FBLN1: variants seen among roughly 807,000 people sequenced by gnomAD.
FBLN1 encodes fibulin 1, also known as fibulin-1.
A neutral mutation model predicts 89.7 loss-of-function variants in FBLN1; 34 were observed. The ratio of observed to expected loss-of-function variants is 0.38; its 90% CI spans 0.29 to 0.50. The LOEUF (loss-of-function observed/expected upper bound fraction) is 0.50. Ranked by LOEUF, FBLN1 falls within the 20% of genes least tolerant of loss-of-function variation. The pLI, the probability that FBLN1 is intolerant of heterozygous loss-of-function variation, is 0.92. For synonymous variants in FBLN1, 393 were observed against 391.3 expected, an observed-to-expected ratio of 1.00 and a Z score of -0.05; for missense variants, 777 against 988.1, an observed-to-expected ratio of 0.79 and a Z score of 2.86.
In FBLN1 at chr22:45,519,354, C is replaced by G. The variant is rs187842797; in HGVS notation, c.185+567C>G. 3.4e-3 allele frequency among the ~76,000 whole-genome samples: 525 copies of G among 152,280 alleles called. 1 individual carries two copies. Among genetic ancestry groups the G allele is most frequent in the Non-Finnish European group, 6.1e-3 (412 of 68,022 alleles). ...AATAATGAGAAGCCGGGCGCGGTGGCTCACGCCTGTAATCCCAGCACTTTG... is the reference window on the plus strand; with the variant it reads ...AATAATGAGAAGCCGGGCGCGGTGGGTCACGCCTGTAATCCCAGCACTTTG... On this transcript the variant is annotated intron_variant, in intron 2 of 16. Coordinates refer to ENST00000327858, the MANE Select transcript of FBLN1 (RefSeq NM_006486.3).
At position 45,532,218 on chromosome 22, in the gene FBLN1, T is replaced by G. The variant is rs369371126; in HGVS notation, c.545-845T>G. ...GGGCCTGGTGGAGGGAGGAAGGGAG[T>G]GACCTAGAGCCCCAGCAAGCCTCAG... is the stretch of plus-strand genomic sequence containing the variant. On this transcript the variant is annotated intron_variant, in intron 5 of 16. Transcript: ENST00000327858. This position sits in a 1 kb window ranked among gnomAD's most constrained non-coding sequence, Gnocchi z 4.2. Among the ~76,000 whole-genome samples the G allele has an allele frequency of 6.6e-6, 1 of 151,424 alleles. No homozygotes were observed. Among genetic ancestry groups the G allele is most frequent in the South Asian group, 2.1e-4 (1 of 4,752 alleles).
chr22:45,599,004 A>G (rs999410960), intron 16 of FBLN1, among the ~76,000 whole-genome samples: 10 of 152,226 alleles, frequency 6.6e-5, no homozygotes, highest in Non-Finnish European at 8.8e-5. Context: ...GAGGGAAGGC[A>G]GTGCCAGCTG....
In FBLN1 at chr22:45,574,575, T is replaced by C; in HGVS notation, c.1762T>C (p.Cys588Arg). ...GTCCTGCCGCCCCAACGATGTCACA[T>C]GCGTGTTCGACCCCGTGCACACCAT... is the stretch of plus-strand genomic sequence containing the variant. ...IKSCRPNDVT[C>R]VFDPVHTISH... Residue 588 changes from cysteine to arginine, a missense_variant, in exon 15 of 17, where the codon TGC becomes CGC. Physicochemically the swap from Cys to Arg is radical, Grantham distance 180. Coordinates refer to ENST00000327858, the MANE Select transcript of FBLN1 (RefSeq NM_006486.3). The surrounding 1 kb of genome is among the most constrained non-coding windows in gnomAD (Gnocchi z 4.1). 6.2e-7 allele frequency: 1 copy of C among 1,614,152 alleles called. No individual in the cohort carries two copies. The highest frequency in any genetic ancestry group is 8.5e-7 in the Non-Finnish European group (1 of 1,180,018).
chr22:45,548,889 C>A, intron 13 of FBLN1, 145 bp downstream of exon 13: 1 of 1,330,782 alleles, frequency 7.5e-7, no homozygotes, highest in Non-Finnish European at 1.0e-6. Context: ...AGGAGGCCCA[C>A]CCCATCCAAG....
At chr22:45,520,310 C>G (rs776283517) in intron 2 of FBLN1, among the ~76,000 whole-genome samples, 17 of 152,214 alleles carry the variant, frequency 1.1e-4, no homozygotes, top group Non-Finnish European at 2.4e-4. Context: ...CCTCATAGTT[C>G]CGGAGGCCAG....
chr22:45,512,122 T>G (rs470064), intron 1 of FBLN1, among the ~76,000 whole-genome samples: 151,502 of 151,706 alleles, frequency 1, 75,649 homozygotes, highest in Middle Eastern at 1. Context: ...TCCAGTGTGG[T>G]ACTGGTCAGA....
In FBLN1 at chr22:45,590,845, G is replaced by C. The variant is rs2089130409; in HGVS notation, c.1973-9462G>C. Among the ~76,000 whole-genome samples, 1 of 152,080 alleles carries C rather than the reference G, an allele frequency of 6.6e-6. No homozygotes were observed. The highest frequency in any genetic ancestry group is 1.5e-5 in the Non-Finnish European group (1 of 68,006). ...GAAGGGAAGTGGGTTTAAGGGAGGA[G>C]GGTAGGTCAGTGTTTGGCGTGCTTG... On this transcript the variant is annotated intron_variant, in intron 16 of 16. Transcript: ENST00000327858. The surrounding 1 kb of genome is among the most constrained non-coding windows in gnomAD (Gnocchi z 4.1).
intron 1 of FBLN1, among the ~76,000 whole-genome samples, chr22:45,507,162 C>T (rs1485362718): frequency 1.3e-5 from 2 of 152,126 alleles, no homozygotes; most frequent in African/African-American, 2.4e-5. Context: ...GGGGCTGGGG[C>T]TGGGCCTAGA....
Position 45,563,406 on chromosome 22 carries a change from G to A in FBLN1, c.1698-11105G>A, listed in dbSNP as rs1217414268. On this transcript the variant is annotated intron_variant, in intron 14 of 16. Coordinates refer to ENST00000327858, the MANE Select transcript of FBLN1 (RefSeq NM_006486.3). This position sits in a 1 kb window ranked among gnomAD's most constrained non-coding sequence, Gnocchi z 5.7. Reference sequence around the variant, plus strand: ...TTATTTGGCATGGTTGGGAGTCTGTGCCGCTTGTTACCCGGGGGTGAGCTG... The same window carrying A: ...TTATTTGGCATGGTTGGGAGTCTGTACCGCTTGTTACCCGGGGGTGAGCTG... 2 of 1,518,022 alleles carry A rather than the reference G, an allele frequency of 1.3e-6. No homozygotes were observed. The highest frequency in any genetic ancestry group is 2.4e-5 in the East Asian group (1 of 40,852). 94.0% of individuals were successfully genotyped at this position (1,518,022 alleles called of 1,614,324 possible).
In FBLN1 at chr22:45,579,334, A is replaced by G. The variant is rs901467173; in HGVS notation, c.1972+2226A>G. Among the ~76,000 whole-genome samples the G allele has an allele frequency of 4.1e-4, 62 of 152,240 alleles. 1 individual carries two copies. Among genetic ancestry groups the G allele is most frequent in the Non-Finnish European group, 7.3e-5 (5 of 68,030 alleles). On this transcript the variant is annotated intron_variant, in intron 16 of 16. Transcript: ENST00000327858. This position sits in a 1 kb window ranked among gnomAD's most constrained non-coding sequence, Gnocchi z 5.5. ...GGCGAGGGGGCTTGCCAGTCTTCTTACAGTGAATCAGGGACACAGTGGGCA... is the reference window on the plus strand; with the variant it reads ...GGCGAGGGGGCTTGCCAGTCTTCTTGCAGTGAATCAGGGACACAGTGGGCA...
At chr22:45,542,573 A>C (rs1005100990) in intron 10 of FBLN1, among the ~76,000 whole-genome samples, 5 of 152,306 alleles carry the variant, frequency 3.3e-5, no homozygotes, top group South Asian at 4.1e-4. Flanking sequence ...CCAGGTCTAC[A>C]CATGTGGGCA....
chr22:45,589,074 T>TATA (rs1451044540), intron 16 of FBLN1, among the ~76,000 whole-genome samples: 4 of 49,332 alleles, frequency 8.1e-5, no homozygotes, highest in East Asian at 1.9e-3. Context: ...TTTTTATATA[T>TATA]AAAAATATTT....
intron 1 of FBLN1, among the ~76,000 whole-genome samples, chr22:45,511,771 A>G (rs1392856998): frequency 6.6e-6 from 1 of 152,066 alleles, no homozygotes; most frequent in Non-Finnish European, 1.5e-5. Flanking sequence ...TTTACAGATG[A>G]AGGAAGTGAG....
chr22:45,565,355 C>G, intron 14 of FBLN1: 1 of 1,139,188 alleles, frequency 8.8e-7, no homozygotes, highest in Non-Finnish European at 1.1e-6. Flanking sequence ...CCCAGCTCAT[C>G]CATGTGCTTG....
intron 1 of FBLN1, among the ~76,000 whole-genome samples, chr22:45,510,276 AGG>A (rs2088081673): frequency 6.6e-6 from 1 of 152,132 alleles, no homozygotes; most frequent in Non-Finnish European, 1.5e-5. Context: ...GGCTTTGTAG[AGG>A]TCCCTGGATC....
chr22:45,593,225 A>G (rs1341911040), intron 16 of FBLN1, among the ~76,000 whole-genome samples: 1 of 149,388 alleles, frequency 6.7e-6, no homozygotes, highest in African/African-American at 2.5e-5. Context: ...TGCAACATCA[A>G]ATAGCAGGAG....
chr22:45,551,918 A>G (rs578139829), intron 14 of FBLN1, among the ~76,000 whole-genome samples: 5 of 152,316 alleles, frequency 3.3e-5, no homozygotes, highest in Middle Eastern at 3.4e-3. Flanking sequence ...ACAGTCGTGA[A>G]ACCACCTTTC....
chr22:45,592,860 A>C (rs2089151050), intron 16 of FBLN1, among the ~76,000 whole-genome samples: 1 of 152,134 alleles, frequency 6.6e-6, no homozygotes, highest in Non-Finnish European at 1.5e-5. Context: ...CTTTCTGCTC[A>C]TGGCTGGCCC....
intron 14 of FBLN1, among the ~76,000 whole-genome samples, chr22:45,573,454 T>A (rs1471899070): frequency 2.0e-5 from 3 of 150,568 alleles, no homozygotes; most frequent in Non-Finnish European, 4.4e-5. Context: ...GGTGGGCGGA[T>A]CACAAGGTCA....
Sources: gnomAD v4.1 joint callset for allele counts (sites outside exome capture counted in the v4.1 genomes callset) on GRCh38, gnomAD v4.1.1 for gene constraint, Gnocchi (gnomAD v3.1) non-coding constraint, MANE v1.5 for transcripts, NCBI Gene and HGNC (gene_info 2026-07-23, HGNC 2026-07-21) for gene names.